Variants in SLC66A1 observed in about 807,000 individuals in gnomAD.
SLC66A1 encodes the protein solute carrier family 66 member 1.
A neutral mutation model predicts 33.0 loss-of-function variants in SLC66A1; 23 were observed. The ratio of observed to expected loss-of-function variants is 0.70; its 90% CI spans 0.50 to 0.99. The LOEUF (loss-of-function observed/expected upper bound fraction) is 0.99. Among genes scored for constraint, SLC66A1 ranks in the 50% least tolerant of loss-of-function variants. The pLI is 0.00. For missense variants in SLC66A1, 335 were observed against 383.6 expected, an observed-to-expected ratio of 0.87 and a Z score of 1.06; for synonymous variants, 164 against 175.5, an observed-to-expected ratio of 0.93 and a Z score of 0.52.
chr1:19,317,329 A>G (rs748933166), intron 1 of SLC66A1, among the ~76,000 whole-genome samples: 2 of 152,202 alleles, frequency 1.3e-5, no homozygotes, highest in Non-Finnish European at 2.9e-5. Context: ...AAAGTCTAGC[A>G]TGAATGGGTG....
intron 2 of SLC66A1, among the ~76,000 whole-genome samples, chr1:19,323,665 C>T (rs1243090726): frequency 1.3e-5 from 2 of 151,588 alleles, no homozygotes; most frequent in East Asian, 1.9e-4. Context: ...CCTCAACCTC[C>T]CAAAGTGTTG....
intron 7 of SLC66A1, chr1:19,327,630 G>C (rs2093876426): frequency 1.4e-6 from 1 of 718,616 alleles, no homozygotes; most frequent in Admixed American, 2.0e-5. Flanking sequence ...GAGTGAGCAA[G>C]AACAGCCATG....
At position 19,317,628 on chromosome 1, in the gene SLC66A1, C is replaced by T. The variant is rs546188753; in HGVS notation, c.-50C>T. 7.5e-6 allele frequency: 12 copies of T among 1,599,906 alleles called. No individual in the cohort carries two copies. The Admixed American group carries it at 1.4e-4, about 18-fold the overall frequency. On this transcript the variant is annotated 5_prime_UTR_variant, in exon 2 of 8. Coordinates refer to ENST00000375153, the MANE Select transcript of SLC66A1 (RefSeq NM_001040125.2). ...CCTTGCTGGCCTCAGAACACCAGCGCCCTCCCTCCGGTGCAGCCCTGCCTG... is the reference window on the plus strand; with the variant it reads ...CCTTGCTGGCCTCAGAACACCAGCGTCCTCCCTCCGGTGCAGCCCTGCCTG...
intron 2 of SLC66A1, 121 bp from the exon 3 acceptor site, chr1:19,324,512 C>A: frequency 1.5e-6 from 2 of 1,293,216 alleles, no homozygotes; most frequent in Non-Finnish European, 2.2e-6. Flanking sequence ...GCCGCCAGGC[C>A]ACTTCCTCTC....
chr1:19,320,073 A>G (rs189084738), intron 2 of SLC66A1, among the ~76,000 whole-genome samples: 13 of 149,308 alleles, frequency 8.7e-5, no homozygotes, highest in African/African-American at 3.2e-4. Context: ...ATTTATGTAT[A>G]TATTTTTGGT....
At chr1:19,321,169 CTTTTTTTTT>C (rs71577887) in intron 2 of SLC66A1, among the ~76,000 whole-genome samples, 2 of 82,102 alleles carry the variant, frequency 2.4e-5, no homozygotes, top group Non-Finnish European at 4.3e-5. Flanking sequence ...CTTATCTCTT[CTTTTTTTTT>C]TTTTTTTTTT....
rs768019447 is a variant in SLC66A1, at chr1:19,328,611, G to A, written c.844G>A (p.Ala282Thr). The A allele has an allele frequency of 6.0e-5, 97 of 1,613,642 alleles. No homozygotes were observed. Among genetic ancestry groups the A allele is most frequent in the Middle Eastern group, 1.6e-4 (1 of 6,084 alleles). Residue 282 changes from alanine to threonine, a missense_variant, in exon 8 of 8, where the codon GCC (alanine) becomes ACC (threonine). Coordinates refer to ENST00000375153, the MANE Select transcript of SLC66A1 (RefSeq NM_001040125.2). The surrounding 1 kb of genome is among the most constrained non-coding windows in gnomAD (Gnocchi z 4.7). ...QFLVYRRSTA[A>T]SELEPLLPS ...CCTGGTGTACAGGCGCAGCACCGCCGCCTCGGAGCTTGAGCCCCTCCTCCC... is the reference window on the plus strand; with the variant it reads ...CCTGGTGTACAGGCGCAGCACCGCCACCTCGGAGCTTGAGCCCCTCCTCCC...
At chr1:19,324,520 C>T in intron 2 of SLC66A1, 113 bp from the exon 3 acceptor site, 3 of 1,370,416 alleles carry the variant, frequency 2.2e-6, no homozygotes, top group Non-Finnish European at 3.0e-6. Context: ...GCCACTTCCT[C>T]TCCATCGCCG....
intron 4 of SLC66A1, among the ~76,000 whole-genome samples, chr1:19,325,791 G>C (rs182465): frequency 6.6e-6 from 1 of 152,242 alleles, no homozygotes; most frequent in Non-Finnish European, 1.5e-5. Flanking sequence ...TCCTGGCCCA[G>C]ACCACAGGCC....
At chr1:19,319,509 G>A (rs2093822706) in intron 2 of SLC66A1, among the ~76,000 whole-genome samples, 1 of 151,582 alleles carries the variant, frequency 6.6e-6, no homozygotes, top group African/African-American at 2.4e-5. Flanking sequence ...GTTTTACTCT[G>A]TGTATAGCAC....
chr1:19,326,479 G>A (rs946177562), intron 5 of SLC66A1, 52 bp from the exon 6 acceptor site: 1 of 1,613,430 alleles, frequency 6.2e-7, no homozygotes, highest in Non-Finnish European at 8.5e-7. Flanking sequence ...AATGGGGTGG[G>A]GGATCACCTC....
chr1:19,322,382 C>T (rs558664322), intron 2 of SLC66A1, among the ~76,000 whole-genome samples: 5 of 152,258 alleles, frequency 3.3e-5, no homozygotes, highest in African/African-American at 1.2e-4. Context: ...GGCTGCCCCC[C>T]TGGTCTTCCC....
intron 7 of SLC66A1, chr1:19,327,844 G>A (rs1034710986): frequency 8.4e-5 from 29 of 345,248 alleles, no homozygotes; most frequent in Admixed American, 5.3e-4. Flanking sequence ...GAAGTCAGGC[G>A]AAGGCAGGAG....
chr1:19,316,350 GGTTTGTGTGTGTGTGTGT>G (rs1201375099), intron 1 of SLC66A1, among the ~76,000 whole-genome samples: 1 of 119,998 alleles, frequency 8.3e-6, no homozygotes, highest in African/African-American at 3.3e-5. Flanking sequence ...AACTCTTTAT[GGTTTGTGTGTGTGTGTGT>G]GTGTGTGTGT....
chr1:19,319,007 G>A (rs985385711), intron 2 of SLC66A1, among the ~76,000 whole-genome samples: 5 of 152,002 alleles, frequency 3.3e-5, no homozygotes, highest in African/African-American at 1.2e-4. Flanking sequence ...GAGAGGTGAG[G>A]TCACAGGAGT....
intron 2 of SLC66A1, among the ~76,000 whole-genome samples, chr1:19,319,605 G>GTTTTTTTTTTGTTTTTT (rs56769657): frequency 2.7e-5 from 3 of 111,868 alleles, no homozygotes; most frequent in Admixed American, 9.5e-5. Context: ...GCACATTCAT[G>GTTTTTTTTTTGTTTTTT]TTTTTTTTTT....
At chr1:19,334,433 T>C in the SLC66A1 span, among the ~76,000 whole-genome samples, 3 of 152,226 alleles carry the variant, frequency 2.0e-5, no homozygotes, top group Non-Finnish European at 2.9e-5. Context: ...TATAATGACA[T>C]CTTGCAACAT....
At position 19,328,791 on chromosome 1, in the gene SLC66A1, A is replaced by G; in HGVS notation, c.*148A>G. The G allele has an allele frequency of 2.3e-6, 2 of 851,240 alleles. No individual in the cohort carries two copies. Among genetic ancestry groups the G allele is most frequent in the East Asian group, 5.4e-5 (2 of 37,372 alleles). The allele number at this position is 851,240 out of a possible 1,614,324, so 52.7% of individuals were successfully genotyped here. A position where few individuals can be genotyped will look rare whatever the true frequency, so the allele number is the denominator to read the frequency against. On this transcript the variant is annotated 3_prime_UTR_variant, in exon 8 of 8. Transcript: ENST00000375153. The surrounding 1 kb of genome is among the most constrained non-coding windows in gnomAD (Gnocchi z 4.7). ...TGGACCGAACCGTCCCCCCAGGAAC[A>G]CACCTTCAGGTAGACCCCGAAGCCT...
intron 1 of SLC66A1, among the ~76,000 whole-genome samples, chr1:19,314,791 G>C (rs968590185): frequency 6.6e-6 from 1 of 152,236 alleles, no homozygotes; most frequent in Non-Finnish European, 1.5e-5. Context: ...CTGCAAGGGG[G>C]TGTGGGGGTG....
Sources: allele counts gnomAD v4.1 joint callset (sites outside exome capture counted in the v4.1 genomes callset), GRCh38; gene constraint gnomAD v4.1.1; non-coding constraint Gnocchi (gnomAD v3.1); transcripts MANE v1.5; gene names NCBI Gene and HGNC (gene_info 2026-07-23, HGNC 2026-07-21).